LHFPL3: variants seen among roughly 807,000 people sequenced by gnomAD.
The protein encoded by LHFPL3 is LHFPL tetraspan subfamily member 3 protein.
In LHFPL3, 5 loss-of-function variants were observed where a neutral mutation model predicts 19.3. The observed-to-expected ratio is 0.26, with a 90% CI of 0.14 to 0.54. The LOEUF (loss-of-function observed/expected upper bound fraction) is 0.54. LHFPL3 is among the 20% of genes least tolerant of loss of function. The pLI is 0.94. For synonymous variants in LHFPL3, 133 were observed against 126.2 expected (o/e 1.05, Z -0.36); for missense variants, 249 against 307.4 (o/e 0.81, Z 1.42).
chr7:104,649,547 G>C (rs1360773008), intron 1 of LHFPL3, among the ~76,000 whole-genome samples: 5 of 152,308 alleles, frequency 3.3e-5, no homozygotes, highest in African/African-American at 1.2e-4. Context: ...AAGATAACTG[G>C]GACAAAGGAG....
chr7:104,423,347 T>A (rs1025021998), intron 1 of LHFPL3, among the ~76,000 whole-genome samples: 1 of 152,018 alleles, frequency 6.6e-6, no homozygotes, highest in African/African-American at 2.4e-5. Context: ...ATGTGGTTGC[T>A]CACACCTGTA....
chr7:104,526,431 A>G (rs1365102941), intron 1 of LHFPL3, among the ~76,000 whole-genome samples: 1 of 152,252 alleles, frequency 6.6e-6, no homozygotes, highest in Non-Finnish European at 1.5e-5. Flanking sequence ...GCATAAAAAT[A>G]TCATAGCAAT....
At chr7:104,587,723 T>G (rs1424014558) in intron 1 of LHFPL3, among the ~76,000 whole-genome samples, 1 of 151,938 alleles carries the variant, frequency 6.6e-6, no homozygotes. Context: ...TGAACTAGTT[T>G]ACAGTCCCAC....
At chr7:104,468,644 G>C (rs1055942343) in intron 1 of LHFPL3, among the ~76,000 whole-genome samples, 1 of 148,558 alleles carries the variant, frequency 6.7e-6, no homozygotes, top group African/African-American at 2.5e-5. Context: ...AAAGTAGAAA[G>C]GTCTTGTATA....
At chr7:104,661,884 C>T (rs1291671950) in intron 1 of LHFPL3, among the ~76,000 whole-genome samples, 1 of 152,196 alleles carries the variant, frequency 6.6e-6, no homozygotes, top group Non-Finnish European at 1.5e-5. Context: ...CATGACTACT[C>T]TTACACTCTG....
At chr7:104,880,560 T>G (rs1218363319) in intron 2 of LHFPL3, among the ~76,000 whole-genome samples, 2 of 152,098 alleles carry the variant, frequency 1.3e-5, no homozygotes, top group East Asian at 1.9e-4. Flanking sequence ...TTATTCTAAA[T>G]CTACTCTGCC....
At chr7:104,811,020 C>T (rs565448495) in intron 2 of LHFPL3, among the ~76,000 whole-genome samples, 1 of 152,294 alleles carries the variant, frequency 6.6e-6, no homozygotes, top group Non-Finnish European at 1.5e-5. Flanking sequence ...CCAGGAATAG[C>T]TCCAGATGTG....
At chr7:104,380,277 TTAAAA>T (rs1473443014) in intron 1 of LHFPL3, among the ~76,000 whole-genome samples, 2 of 152,168 alleles carry the variant, frequency 1.3e-5, no homozygotes, top group Non-Finnish European at 2.9e-5. Flanking sequence ...ATTTCTTTAT[TTAAAA>T]TAATGTACTT....
At chr7:104,836,916 C>G (rs368060729) in intron 2 of LHFPL3, among the ~76,000 whole-genome samples, 2 of 152,288 alleles carry the variant, frequency 1.3e-5, no homozygotes, top group South Asian at 4.1e-4. Context: ...TATCTGGGTT[C>G]TGAAGCTAAT....
chr7:104,484,845 T>C (rs901179110), intron 1 of LHFPL3, among the ~76,000 whole-genome samples: 1 of 152,106 alleles, frequency 6.6e-6, no homozygotes, highest in Non-Finnish European at 1.5e-5. Flanking sequence ...CTGCAATGAA[T>C]AACCCACTCC....
At chr7:104,867,359 T>G (rs532620605) in intron 2 of LHFPL3, among the ~76,000 whole-genome samples, 194 of 151,642 alleles carry the variant, frequency 1.3e-3, no homozygotes, top group South Asian at 5.0e-3. Context: ...AAAGAGAGAA[T>G]AATCAAATAG....
chr7:104,346,183 G>A (rs6946128), intron 1 of LHFPL3, among the ~76,000 whole-genome samples: 25,497 of 151,628 alleles, frequency 0.17, 2,596 homozygotes, highest in Admixed American at 0.31. Context: ...CTACAGGCAC[G>A]TGCTACCATG....
chr7:104,858,649 A>C (rs184552148), intron 2 of LHFPL3, among the ~76,000 whole-genome samples: 1 of 152,068 alleles, frequency 6.6e-6, no homozygotes, highest in African/African-American at 2.4e-5. Flanking sequence ...GACAGCTCCA[A>C]ATTCCTTCTC....
chr7:104,739,655 G>A (rs1046229247), intron 2 of LHFPL3, among the ~76,000 whole-genome samples: 1 of 152,044 alleles, frequency 6.6e-6, no homozygotes. Context: ...TAAAACTACT[G>A]AGATGTACAA....
chr7:104,889,148 G>C (rs969773203), intron 2 of LHFPL3, among the ~76,000 whole-genome samples: 1 of 152,204 alleles, frequency 6.6e-6, no homozygotes, highest in South Asian at 2.1e-4. Context: ...TCAACATATA[G>C]TGTCTAAAAT....
At chr7:104,378,927 A>C (rs141967500) in intron 1 of LHFPL3, among the ~76,000 whole-genome samples, 361 of 152,208 alleles carry the variant, frequency 2.4e-3, no homozygotes, top group African/African-American at 8.3e-3. Flanking sequence ...TTGCCTTTTC[A>C]TTTTTTAAAT....
chr7:104,669,273 A>G (rs1792425466), intron 1 of LHFPL3: 5 of 1,613,906 alleles, frequency 3.1e-6, no homozygotes, highest in Admixed American at 3.3e-5. Context: ...GTGGGGGAAA[A>G]GTAGCTCCAG....
chr7:104,855,257 C>T (rs1013600675), intron 2 of LHFPL3, among the ~76,000 whole-genome samples: 1 of 152,210 alleles, frequency 6.6e-6, no homozygotes, highest in African/African-American at 2.4e-5. Context: ...GGAGCCCAGA[C>T]TGGGGGAGCT....
chr7:104,863,293 G>C, intron 2 of LHFPL3, among the ~76,000 whole-genome samples: 1 of 152,190 alleles, frequency 6.6e-6, no homozygotes. Context: ...ATTCCTATGA[G>C]TGTGTTGAAT....
Sources: gnomAD v4.1 joint callset for allele counts (sites outside exome capture counted in the v4.1 genomes callset) on GRCh38, gnomAD v4.1.1 for gene constraint, MANE v1.5 for transcripts, NCBI Gene and HGNC (gene_info 2026-07-23, HGNC 2026-07-21) for gene names.